ALOX5: variants seen among roughly 807,000 people sequenced by gnomAD.
ALOX5 encodes the protein polyunsaturated fatty acid 5-lipoxygenase.
ALOX5 carries 64 observed loss-of-function variants against 87.9 expected under a neutral mutation model. The observed-to-expected ratio is 0.73, with a 90% CI of 0.60 to 0.90. The LOEUF (loss-of-function observed/expected upper bound fraction) is 0.90, where lower values mean the gene tolerates loss of function less well. Ranked by LOEUF, ALOX5 falls within the 40% of genes least tolerant of loss-of-function variation. ALOX5 has a pLI of 0.00. For missense variants in ALOX5, 822 were observed against 907.5 expected (o/e 0.91, Z 1.21); for synonymous variants, 388 against 355.1 (o/e 1.09, Z -1.04).
In ALOX5 at chr10:45,405,653, C is replaced by T. The variant is rs117664603; in HGVS notation, c.432-6538C>T. ...CTTTGCTTAAGAAAACCCTTTCCAT[C>T]CCAGTGTTACACAAATACTTCCCCC... On this transcript the variant is annotated intron_variant, in intron 3 of 13. Coordinates refer to ENST00000374391, the MANE Select transcript of ALOX5 (RefSeq NM_000698.5). Among the ~76,000 whole-genome samples the T allele has an allele frequency of 8.1e-3, 1,229 of 152,218 alleles. 27 individuals carry two copies. The highest frequency in any genetic ancestry group is 0.07 in the East Asian group (365 of 5,178).
chr10:45,414,127 C>T (rs1336645922), intron 4 of ALOX5, among the ~76,000 whole-genome samples: 1 of 152,166 alleles, frequency 6.6e-6, no homozygotes, highest in African/African-American at 2.4e-5. Flanking sequence ...CCCGCATTGC[C>T]AAGACAATCC....
At chr10:45,416,148 T>C (rs998663425) in intron 4 of ALOX5, among the ~76,000 whole-genome samples, 9 of 152,130 alleles carry the variant, frequency 5.9e-5, no homozygotes, top group Non-Finnish European at 1.3e-4. Flanking sequence ...GTCGGTGTTT[T>C]GGGGGGTACA....
chr10:45,431,388 T>C (rs1454361974), intron 7 of ALOX5, among the ~76,000 whole-genome samples: 1 of 152,060 alleles, frequency 6.6e-6, no homozygotes, highest in Non-Finnish European at 1.5e-5. Flanking sequence ...AATGCTATGG[T>C]AGACCTAGAA....
chr10:45,422,836 G>A (rs1292808324), intron 4 of ALOX5, among the ~76,000 whole-genome samples: 1 of 152,186 alleles, frequency 6.6e-6, no homozygotes, highest in Non-Finnish European at 1.5e-5. Context: ...AGGTCCGGAG[G>A]CTAGAAGTCC....
chr10:45,382,013 A>G (rs189404016), intron 1 of ALOX5, among the ~76,000 whole-genome samples: 2 of 152,256 alleles, frequency 1.3e-5, no homozygotes, highest in African/African-American at 4.8e-5. Flanking sequence ...CTTTAATACA[A>G]GTTGTACGTG....
At chr10:45,412,003 T>C (rs1379686531) in intron 3 of ALOX5, among the ~76,000 whole-genome samples, 188 bp from the exon 4 acceptor site, 1 of 152,202 alleles carries the variant, frequency 6.6e-6, no homozygotes, top group Non-Finnish European at 1.5e-5. Context: ...GCAAAGTTGG[T>C]GCGACTGGAC....
Position 45,446,039 on chromosome 10 carries a change from A to G in ALOX5, c.*352A>G, listed in dbSNP as rs1017076453. The stretch of plus-strand genomic sequence containing the variant: ...ATTTGTGCTTAGTCCAATTCCTTGC[A>G]CATAGTAGGTACCCAATTCAATTAC... On this transcript the variant is annotated 3_prime_UTR_variant, in exon 14 of 14. Coordinates refer to ENST00000374391, the MANE Select transcript of ALOX5 (RefSeq NM_000698.5). The G allele has an allele frequency of 1.5e-5, 4 of 264,582 alleles. No homozygotes were observed. The highest frequency in any genetic ancestry group is 2.2e-5 in the African/African-American group (1 of 45,556). The allele number at this position is 264,582 out of a possible 1,614,324, so 16.4% of individuals were successfully genotyped here.
intron 7 of ALOX5, among the ~76,000 whole-genome samples, chr10:45,436,425 G>A (rs889955712): frequency 1.3e-5 from 2 of 152,144 alleles, no homozygotes; most frequent in African/African-American, 4.8e-5. Context: ...GGTAATTTTT[G>A]TATATGGTGA....
At chr10:45,424,251 G>A in intron 5 of ALOX5, 104 bp downstream of exon 5, 1 of 985,634 alleles carries the variant, frequency 1.0e-6, no homozygotes, top group Non-Finnish European at 1.6e-6. Flanking sequence ...GCCTGCTGCA[G>A]CATGGGGGCC....
rs28395859 is a variant in ALOX5, at chr10:45,441,479, C to T, written c.1272+49C>T. The T allele has an allele frequency of 5.7e-4, 884 of 1,557,612 alleles. 3 individuals are homozygous for T. The African/African-American group carries it at 8.2e-3, about 14-fold the overall frequency. ...GTTGCCTGGAAGAGCCCAGCCTGGCCGCCTTCACTCCCTATCTGAGATCTA... is the reference window on the plus strand; with the variant it reads ...GTTGCCTGGAAGAGCCCAGCCTGGCTGCCTTCACTCCCTATCTGAGATCTA... On this transcript the variant is annotated intron_variant, in intron 9 of 13. Transcript: ENST00000374391.
In ALOX5 at chr10:45,414,894, T is replaced by C. The variant is rs184414519; in HGVS notation, c.554+2581T>C. ...TCAAAACCACAATGAGATACCATCT[T>C]ACACCAGTTAGAATGGCAATCATTA... On this transcript the variant is annotated intron_variant, in intron 4 of 13. Coordinates refer to ENST00000374391, the MANE Select transcript of ALOX5 (RefSeq NM_000698.5). Among the ~76,000 whole-genome samples the C allele has an allele frequency of 2.5e-3, 376 of 152,278 alleles. 1 individual carries two copies. Among genetic ancestry groups the C allele is most frequent in the African/African-American group, 8.6e-3 (357 of 41,574 alleles).
At chr10:45,406,341 AGACCCCAGCACCAGCTTT>A (rs1292773968) in intron 3 of ALOX5, among the ~76,000 whole-genome samples, 1 of 152,220 alleles carries the variant, frequency 6.6e-6, no homozygotes, top group East Asian at 1.9e-4. Context: ...TTTCTACTCG[AGACCCCAGCACCAGCTTT>A]TGGTTATCAT....
In ALOX5 at chr10:45,382,663, G is replaced by A; in HGVS notation, c.331G>A (p.Val111Ile). 1 of 1,613,500 alleles carries A rather than the reference G, an allele frequency of 6.2e-7. No homozygotes were observed. Among genetic ancestry groups the A allele is most frequent in the African/African-American group, 1.3e-5 (1 of 75,074 alleles). Reference protein sequence around the residue: ...YRWITGDVEVVLRDGRAKLAR... With the variant: ...YRWITGDVEVILRDGRAKLAR... ...CTGGATCACCGGCGATGTCGAGGTT[G>A]TCCTGAGGGATGGACGCGGTGAGCA... is the stretch of plus-strand genomic sequence containing the variant. Residue 111 changes from valine to isoleucine, a missense_variant, in exon 2 of 14, where the codon GTC becomes ATC. By Grantham distance (29) the Val-to-Ile change is conservative. Transcript: ENST00000374391.
At chr10:45,378,252 C>G (rs1588975077) in intron 1 of ALOX5, among the ~76,000 whole-genome samples, 1 of 151,882 alleles carries the variant, frequency 6.6e-6, no homozygotes, top group African/African-American at 2.4e-5. Context: ...GGGTACAAAC[C>G]AGGGCTCAAA....
At chr10:45,401,500 A>G (rs900939164) in intron 3 of ALOX5, among the ~76,000 whole-genome samples, 1 of 152,060 alleles carries the variant, frequency 6.6e-6, no homozygotes, top group Non-Finnish European at 1.5e-5. Flanking sequence ...AAAATTTGGG[A>G]TTGTGCTATA....
intron 5 of ALOX5, 149 bp from the exon 6 acceptor site, chr10:45,424,811 G>A (rs569391096): frequency 1.0e-4 from 93 of 918,024 alleles, no homozygotes; most frequent in Admixed American, 6.8e-4. Context: ...GTGATGGGCA[G>A]GGGGCAGCAG....
At chr10:45,411,091 T>G (rs2132758297) in intron 3 of ALOX5, among the ~76,000 whole-genome samples, 1 of 152,344 alleles carries the variant, frequency 6.6e-6, no homozygotes, top group African/African-American at 2.4e-5. Flanking sequence ...CCATATAGGG[T>G]AACTTCCTGA....
rs547951249 is a variant in ALOX5, at chr10:45,423,943, G to C, written c.555-98G>C. On this transcript the variant is annotated intron_variant, in intron 4 of 13. Coordinates refer to ENST00000374391, the MANE Select transcript of ALOX5 (RefSeq NM_000698.5). ...ACCTCTGCAGAGCTGCCTGGAGGGG[G>C]CGGGGGTTGTGAGGACCCCTGAGAG... The C allele has an allele frequency of 1.7e-4, 155 of 906,654 alleles. 3 individuals are homozygous for C. In the South Asian group the frequency reaches 2.2e-3, roughly 13 times the overall value. The allele number at this position is 906,654 out of a possible 1,614,324, so 56.2% of individuals were successfully genotyped here.
At chr10:45,421,448 A>G (rs1383521632) in intron 4 of ALOX5, among the ~76,000 whole-genome samples, 1 of 152,234 alleles carries the variant, frequency 6.6e-6, no homozygotes, top group East Asian at 1.9e-4. Context: ...CAGGCCCTAC[A>G]GGGCTCTCGG....
Sources: allele counts gnomAD v4.1 joint callset (sites outside exome capture counted in the v4.1 genomes callset), GRCh38; gene constraint gnomAD v4.1.1; transcripts MANE v1.5; gene names NCBI Gene and HGNC (gene_info 2026-07-23, HGNC 2026-07-21).